The following FAM110B variants were observed in gnomAD, a reference collection of about 807,000 sequenced individuals.
FAM110B encodes the protein family with sequence similarity 110 member B.
FAM110B carries 6 observed loss-of-function variants against 20.4 expected under a neutral mutation model. The observed-to-expected ratio is 0.29, with a 90% CI of 0.16 to 0.58. FAM110B has a LOEUF of 0.58. Ranked by LOEUF, FAM110B falls within the 20% of genes least tolerant of loss-of-function variation. FAM110B has a pLI of 0.90. For synonymous variants in FAM110B, 226 were observed against 214.1 expected (o/e 1.06, Z -0.49); for missense variants, 434 against 498.2 (o/e 0.87, Z 1.23).
At chr8:58,104,538 C>A (rs559654380) in intron 3 of FAM110B, among the ~76,000 whole-genome samples, 4 of 152,168 alleles carry the variant, frequency 2.6e-5, no homozygotes, top group Non-Finnish European at 4.4e-5. Context: ...AAAAAGTTGA[C>A]CTGTAGTAAC....
intron 2 of FAM110B, among the ~76,000 whole-genome samples, chr8:58,055,139 AG>A (rs757938855): frequency 1.2e-4 from 18 of 152,172 alleles, no homozygotes; most frequent in Non-Finnish European, 1.9e-4. Flanking sequence ...TACTGTAATG[AG>A]GACATCAACC....
At chr8:58,013,023 C>A (rs1236912527) in intron 1 of FAM110B, among the ~76,000 whole-genome samples, 1 of 152,090 alleles carries the variant, frequency 6.6e-6, no homozygotes, top group Admixed American at 6.5e-5. Context: ...CTTGTGCTTC[C>A]CCCCGGGCTG....
chr8:58,019,113 G>T (rs1233619590), intron 1 of FAM110B, among the ~76,000 whole-genome samples: 2 of 152,050 alleles, frequency 1.3e-5, no homozygotes, highest in Admixed American at 6.6e-5. Context: ...AAGGTGGGCA[G>T]ATCACAAGGT....
chr8:58,040,432 G>T (rs1805189452), intron 2 of FAM110B, among the ~76,000 whole-genome samples: 1 of 152,128 alleles, frequency 6.6e-6, no homozygotes, highest in South Asian at 2.1e-4. Context: ...TTGGCTTGTG[G>T]CTCCTGCACA....
At chr8:57,999,044 TTTG>T (rs551775004) in intron 1 of FAM110B, among the ~76,000 whole-genome samples, 7 of 152,228 alleles carry the variant, frequency 4.6e-5, no homozygotes, top group Admixed American at 6.5e-5. Context: ...AGCCTTGTTT[TTTG>T]TTGTTGTTGT....
chr8:58,030,322 C>A (rs558221919), intron 1 of FAM110B, among the ~76,000 whole-genome samples: 15 of 152,134 alleles, frequency 9.9e-5, no homozygotes, highest in African/African-American at 3.4e-4. Context: ...CTTGTTGAAC[C>A]TTGTTAGGTA....
intron 2 of FAM110B, among the ~76,000 whole-genome samples, chr8:58,056,031 G>A (rs1026950123): frequency 6.6e-6 from 1 of 152,184 alleles, no homozygotes; most frequent in Non-Finnish European, 1.5e-5. Flanking sequence ...TTGCCTGTGT[G>A]CCAAATCCAA....
rs1163507878 is a variant in FAM110B at position 58,146,439 on chromosome 8, C to A, written c.209C>A (p.Ala70Asp). 6.2e-7 allele frequency: 1 copy of A among 1,613,752 alleles called. No individual in the cohort carries two copies. Among genetic ancestry groups the A allele is most frequent in the Non-Finnish European group, 8.5e-7 (1 of 1,179,764 alleles). The change falls in exon 4 of 4, where the codon GCC (alanine) becomes GAC (aspartate). Residue 70 changes from alanine to aspartate, a missense_variant. This residue lies in a region of FAM110B where 284 missense variants were observed against 278.3 expected (regional missense o/e 1.02). Transcript: ENST00000519262. Reference sequence around the variant, plus strand: ...GTCAAGAGCCAGGAGGTGATCAACGCCAAGCAGGAGCCCGTGAAGCCCGCC... The same window carrying A: ...GTCAAGAGCCAGGAGGTGATCAACGACAAGCAGGAGCCCGTGAAGCCCGCC... ...KYVKSQEVIN[A>D]KQEPVKPAVL...
intron 2 of FAM110B, among the ~76,000 whole-genome samples, chr8:58,074,970 A>G (rs982834030): frequency 1.3e-5 from 2 of 152,216 alleles, no homozygotes; most frequent in South Asian, 2.1e-4. Flanking sequence ...ATTGCTATCC[A>G]TGGTTAAATG....
At chr8:58,130,916 G>A (rs1012113533) in intron 3 of FAM110B, among the ~76,000 whole-genome samples, 1 of 152,178 alleles carries the variant, frequency 6.6e-6, no homozygotes, top group African/African-American at 2.4e-5. Flanking sequence ...TGAGGCCGTT[G>A]TTTACACATC....
intron 1 of FAM110B, among the ~76,000 whole-genome samples, chr8:58,019,869 T>C (rs2150569048): frequency 6.6e-6 from 1 of 152,228 alleles, no homozygotes; most frequent in East Asian, 1.9e-4. Flanking sequence ...TCTTGGTTGA[T>C]TTTTTTCCAA....
intron 2 of FAM110B, among the ~76,000 whole-genome samples, chr8:58,054,981 T>G (rs907057809): frequency 6.6e-6 from 1 of 152,100 alleles, no homozygotes; most frequent in African/African-American, 2.4e-5. Context: ...TGATAAGTAA[T>G]TCTCCAAAGT....
At chr8:58,133,725 C>A (rs1803544595) in intron 3 of FAM110B, among the ~76,000 whole-genome samples, 1 of 152,106 alleles carries the variant, frequency 6.6e-6, no homozygotes, top group African/African-American at 2.4e-5. Context: ...TGGTCACAGA[C>A]CCACATCCCC....
At chr8:58,004,247 AC>A (rs1262630024) in intron 1 of FAM110B, among the ~76,000 whole-genome samples, 6 of 152,060 alleles carry the variant, frequency 3.9e-5, no homozygotes, top group Admixed American at 6.6e-5. Flanking sequence ...TAGTTCCTAA[AC>A]CCAGGGATTG....
rs1403549188 is a variant in FAM110B, at chr8:58,147,014, G to C, written c.784G>C (p.Asp262His). The change falls in exon 4 of 4, where the codon GAC becomes CAC. Residue 262 changes from aspartate (D) to histidine (H), a missense_variant. By Grantham distance (81) the Asp-to-His change is moderately conservative. This residue lies in a region of FAM110B where 284 missense variants were observed against 278.3 expected (regional missense o/e 1.02). Coordinates refer to ENST00000519262, the MANE Select transcript of FAM110B (RefSeq NM_001377989.1). ...RRPSLQRSKS[D>H]LSDRYFRVDA... ...ACCCTCCCTCCAGCGGTCTAAGTCA[G>C]ACTTGAGTGACAGATATTTCCGAGT... 6.2e-7 allele frequency: 1 copy of C among 1,614,242 alleles called. No homozygotes were observed. The highest frequency in any genetic ancestry group is 1.1e-5 in the South Asian group (1 of 91,088).
intron 3 of FAM110B, among the ~76,000 whole-genome samples, chr8:58,094,495 T>C (rs1322932033): frequency 1.3e-5 from 2 of 152,244 alleles, no homozygotes; most frequent in Non-Finnish European, 2.9e-5. Flanking sequence ...TTTCTGCATC[T>C]ATCGAGATAA....
chr8:58,064,322 G>C (rs1019334487), intron 2 of FAM110B, among the ~76,000 whole-genome samples: 1 of 151,862 alleles, frequency 6.6e-6, no homozygotes, highest in Non-Finnish European at 1.5e-5. Context: ...TTTCATTTTT[G>C]GGGCATGTGA....
chr8:58,120,346 C>T (rs1288881357), intron 3 of FAM110B, among the ~76,000 whole-genome samples: 3 of 151,984 alleles, frequency 2.0e-5, no homozygotes, highest in Admixed American at 6.5e-5. Flanking sequence ...TAGCCCCTCT[C>T]GTCTGAATTA....
At chr8:57,995,142 G>A (rs925177853) in intron 1 of FAM110B, among the ~76,000 whole-genome samples, 1 of 152,154 alleles carries the variant, frequency 6.6e-6, no homozygotes, top group African/African-American at 2.4e-5. Context: ...TGGAGCCGGG[G>A]TTGGAGCCAG....
Sources: allele counts gnomAD v4.1 joint callset (sites outside exome capture counted in the v4.1 genomes callset), GRCh38; gene constraint gnomAD v4.1.1; regional missense constraint gnomAD v4.1.1; transcripts MANE v1.5; gene names NCBI Gene and HGNC (gene_info 2026-07-23, HGNC 2026-07-21).